Variants in TALDO1 observed in about 807,000 individuals in gnomAD.
The protein encoded by TALDO1 is transaldolase.
A neutral mutation model predicts 38.1 loss-of-function variants in TALDO1; 29 were observed. The ratio of observed to expected loss-of-function variants is 0.76; its 90% CI spans 0.57 to 1.04. The LOEUF is 1.04. TALDO1 is among the 50% of genes least tolerant of loss of function. TALDO1 has a pLI of 0.00. For synonymous variants in TALDO1, 207 were observed against 176.8 expected, an observed-to-expected ratio of 1.17 and a Z score of -1.36; for missense variants, 499 against 438.1, an observed-to-expected ratio of 1.14 and a Z score of -1.24.
intron 1 of TALDO1, among the ~76,000 whole-genome samples, chr11:753,267 C>T (rs771768105): frequency 7.0e-4 from 107 of 152,126 alleles, no homozygotes; most frequent in Non-Finnish European, 1.1e-3. Flanking sequence ...TGTGGTGGCT[C>T]ACACCTGTAA....
chr11:763,299 T>TCCCCGCCCTCACCTG lies in TALDO1; in HGVS notation c.462-29_462-15dup, dbSNP rs57332668. ...CCTCACCCGCCCCCGCCCTCACCTGTCCCCGCCCTCACCTGCCCCGCCCTC... is the reference window on the plus strand; with the variant it reads ...CCTCACCCGCCCCCGCCCTCACCTGTCCCCGCCCTCACCTGCCCCGCCCTCACCTGCCCCGCCCTC... On this transcript the variant is annotated intron_variant, in intron 4 of 7. Coordinates refer to ENST00000319006, the MANE Select transcript of TALDO1 (RefSeq NM_006755.2). 7.8e-5 allele frequency: 50 copies of TCCCCGCCCTCACCTG among 644,074 alleles called. 1 individual carries two copies. The highest frequency in any genetic ancestry group is 1.5e-4 in the African/African-American group (3 of 20,498). 39.9% of individuals were successfully genotyped at this position (644,074 alleles called of 1,614,324 possible).
intron 2 of TALDO1, 65 bp from the exon 3 acceptor site, chr11:758,885 G>C: frequency 2.9e-6 from 4 of 1,359,580 alleles, no homozygotes; most frequent in Non-Finnish European, 4.1e-6. Context: ...GATTACAGGC[G>C]TGAGCCACCG....
intron 1 of TALDO1, among the ~76,000 whole-genome samples, chr11:749,443 A>T (rs528655278): frequency 3.3e-5 from 5 of 151,048 alleles, no homozygotes; most frequent in African/African-American, 7.3e-5. Context: ...AAGTTGTGAC[A>T]TTTTTTTTTA....
In TALDO1 at chr11:747,583, G is replaced by T; in HGVS notation, c.97+5G>T. 1 of 1,565,352 alleles carries T rather than the reference G, an allele frequency of 6.4e-7. No homozygotes were observed. ...CCGACACGGGCGACTTCCACGGTGA[G>T]GACGGCGCGGAGCCCGGGCGCGGCG... On this transcript the variant is annotated splice_donor_5th_base_variant and intron_variant, in intron 1 of 7. Coordinates refer to ENST00000319006, the MANE Select transcript of TALDO1 (RefSeq NM_006755.2).
chr11:752,409 A>AAG (rs1216612745), intron 1 of TALDO1: 1 of 152,248 alleles, frequency 6.6e-6, no homozygotes. Context: ...TGTGGGTCCT[A>AAG]AGACCCTCAT....
chr11:761,006 G>C (rs1303475363), intron 4 of TALDO1: 1 of 152,090 alleles, frequency 6.6e-6, no homozygotes, highest in Non-Finnish European at 1.5e-5. Flanking sequence ...ACTCCAGTCT[G>C]GGTGACAGAG....
intron 4 of TALDO1, among the ~76,000 whole-genome samples, chr11:761,872 A>T (rs538537679): frequency 1.3e-5 from 2 of 152,084 alleles, no homozygotes; most frequent in African/African-American, 4.8e-5. Flanking sequence ...CTGGTCTCGA[A>T]CCCCTGGGCT....
intron 4 of TALDO1, among the ~76,000 whole-genome samples, chr11:762,573 C>T (rs890471609): frequency 1.8e-4 from 28 of 152,266 alleles, no homozygotes; most frequent in African/African-American, 6.3e-4. Flanking sequence ...TGTTTCCCAA[C>T]TCAGCTGTGC....
chr11:763,755 AGT>A lies in TALDO1; in HGVS notation c.649_650del (p.Val217HisfsTer2). ...GCTTGGTCTCTTTCCAGGGGTAAAG[AGT>A]GTCACTAAAATCTACAACTACTACA... ...YEPLEDPGVK[S>X]VTKIYNYYKK... On this transcript the variant is annotated frameshift_variant, in exon 6 of 8. Coordinates refer to ENST00000319006, the MANE Select transcript of TALDO1 (RefSeq NM_006755.2). LOFTEE classifies it high-confidence loss of function. The A allele has an allele frequency of 6.2e-7, 1 of 1,614,044 alleles. No individual in the cohort carries two copies. The highest frequency in any genetic ancestry group is 8.5e-7 in the Non-Finnish European group (1 of 1,180,018).
intron 1 of TALDO1, chr11:752,593 G>T (rs146527196): frequency 3.9e-5 from 6 of 152,270 alleles, no homozygotes; most frequent in African/African-American, 1.4e-4. Context: ...AAAGGCCCAA[G>T]AGGACAGGGT....
intron 7 of TALDO1, 121 bp from the exon 8 acceptor site, chr11:764,692 T>C (rs1863018331): frequency 1.3e-6 from 2 of 1,514,592 alleles, no homozygotes; most frequent in Admixed American, 3.4e-5. Context: ...CCTGTGGCCG[T>C]GGCCCCCACA....
At chr11:758,648 A>G (rs1862882573) in intron 2 of TALDO1, among the ~76,000 whole-genome samples, 1 of 151,508 alleles carries the variant, frequency 6.6e-6, no homozygotes, top group Non-Finnish European at 1.5e-5. Context: ...TCTGTCGCTC[A>G]GGCTGGAGTG....
chr11:759,980 A>T, intron 3 of TALDO1, 142 bp from the exon 4 acceptor site: 1 of 1,163,030 alleles, frequency 8.6e-7, no homozygotes, highest in Non-Finnish European at 1.2e-6. Flanking sequence ...GCAAACCTCC[A>T]GTGAGGGGAA....
At chr11:757,118 T>C (rs924447755) in intron 2 of TALDO1, among the ~76,000 whole-genome samples, 2 of 152,126 alleles carry the variant, frequency 1.3e-5, no homozygotes, top group East Asian at 1.9e-4. Context: ...CTCTGGACAC[T>C]GAGTCTGACC....
At chr11:763,663 T>C in intron 5 of TALDO1, 84 bp from the exon 6 acceptor site, 1 of 1,570,350 alleles carries the variant, frequency 6.4e-7, no homozygotes, top group African/African-American at 1.4e-5. Flanking sequence ...CGGCTCAAGG[T>C]AGTGCAGCCG....
In TALDO1 at chr11:747,601, G is replaced by T. The variant is rs376583913; in HGVS notation, c.97+23G>T. The T allele has an allele frequency of 7.8e-5, 121 of 1,547,706 alleles. No homozygotes were observed. The African/African-American group carries it at 1.5e-3, about 19-fold the overall frequency. On this transcript the variant is annotated intron_variant, in intron 1 of 7. Transcript: ENST00000319006. Reference sequence around the variant, plus strand: ...ACGGTGAGGACGGCGCGGAGCCCGGGCGCGGCGCAAGCGCCCTCCAGAGGC... The same window carrying T: ...ACGGTGAGGACGGCGCGGAGCCCGGTCGCGGCGCAAGCGCCCTCCAGAGGC...
At position 747,466 on chromosome 11, in the gene TALDO1, A is replaced by G. The variant is rs376243280; in HGVS notation, c.-16A>G. On this transcript the variant is annotated 5_prime_UTR_variant, in exon 1 of 8. Transcript: ENST00000319006. ...CCCGTCGCCGCCGCCGCCGCCGCAG[A>G]CCCCTCGGTCTTGCTATGTCGAGCT... 1.2e-5 allele frequency: 18 copies of G among 1,562,020 alleles called. No individual in the cohort carries two copies. In the African/African-American group the frequency reaches 1.4e-4, roughly 12 times the overall value.
At chr11:756,779 C>T (rs999246416) in intron 2 of TALDO1, among the ~76,000 whole-genome samples, 31 of 152,190 alleles carry the variant, frequency 2.0e-4, no homozygotes, top group African/African-American at 7.2e-4. Flanking sequence ...TGGCCTCCCA[C>T]AGTGCTCGGA....
chr11:749,334 G>A (rs1374179663), intron 1 of TALDO1, among the ~76,000 whole-genome samples: 9 of 149,028 alleles, frequency 6.0e-5, no homozygotes, highest in African/African-American at 1.5e-4. Flanking sequence ...CCCAGAAGGC[G>A]GAGGTTGCAG....
Sources: allele counts gnomAD v4.1 joint callset (sites outside exome capture counted in the v4.1 genomes callset), GRCh38; gene constraint gnomAD v4.1.1; transcripts MANE v1.5; gene names NCBI Gene and HGNC (gene_info 2026-07-23, HGNC 2026-07-21).